Variants in AGBL1 observed in about 807,000 individuals in gnomAD.
AGBL1 encodes cytosolic carboxypeptidase 4.
AGBL1 carries 130 observed loss-of-function variants against 118.9 expected under a neutral mutation model. The ratio of observed to expected loss-of-function variants is 1.09; its 90% confidence interval spans 0.95 to 1.26. AGBL1 has a LOEUF of 1.26. AGBL1 is among the 50% of genes most tolerant of loss of function. The pLI is 0.00. For synonymous variants in AGBL1, 555 were observed against 478.9 expected, an observed-to-expected ratio of 1.16 and a Z score of -2.08; for missense variants, 1,584 against 1,298.1, an observed-to-expected ratio of 1.22 and a Z score of -3.38.
chr15:86,141,163 T>G (rs2076958145), intron 1 of AGBL1, among the ~76,000 whole-genome samples: 1 of 152,188 alleles, frequency 6.6e-6, no homozygotes, highest in Admixed American at 6.5e-5. Flanking sequence ...CCACACTGTC[T>G]CTGAATTCAG....
At chr15:86,208,364 T>A (rs1435880681) in intron 5 of AGBL1, among the ~76,000 whole-genome samples, 1 of 152,238 alleles carries the variant, frequency 6.6e-6, no homozygotes, top group African/African-American at 2.4e-5. Flanking sequence ...TGCCCCTTTT[T>A]CTATTGATTG....
Position 86,882,835 on chromosome 15 carries a change from A to G in AGBL1, c.3159-24252A>G, listed in dbSNP as rs545562134. On this transcript the variant is annotated intron_variant, in intron 22 of 22. Transcript: ENST00000614907. ...TCTTTATTAAAAAAACTAGACAGGA[A>G]CCTAATGGAAATCTTTTCTCTCTTT... Among the ~76,000 whole-genome samples the G allele has an allele frequency of 1.6e-3, 246 of 152,282 alleles. 2 individuals carry two copies. Among genetic ancestry groups the G allele is most frequent in the African/African-American group, 5.6e-3 (233 of 41,550 alleles).
intron 24 of AGBL1, among the ~76,000 whole-genome samples, chr15:87,000,890 C>A (rs1415661373): frequency 6.9e-6 from 1 of 144,786 alleles, no homozygotes; most frequent in Non-Finnish European, 1.5e-5. Flanking sequence ...TGTTTGTATC[C>A]TCTTTTATTT....
chr15:86,854,287 C>T (rs186892257), intron 22 of AGBL1, among the ~76,000 whole-genome samples: 119 of 152,280 alleles, frequency 7.8e-4, no homozygotes, highest in Non-Finnish European at 1.4e-3. Context: ...TGCTTGGGTT[C>T]TTAGGGGCTT....
chr15:86,708,140 C>T (rs991811303), intron 22 of AGBL1, among the ~76,000 whole-genome samples: 11 of 152,006 alleles, frequency 7.2e-5, no homozygotes, highest in Non-Finnish European at 1.6e-4. Flanking sequence ...TGGACTTAAT[C>T]GTGCTCTCCT....
intron 23 of AGBL1, among the ~76,000 whole-genome samples, chr15:86,925,192 A>C (rs868484221): frequency 0.054 from 5,402 of 100,896 alleles, 390 homozygotes; most frequent in African/African-American, 0.2. Flanking sequence ...AGAGGAAGAA[A>C]AGAAGAAAAG....
At position 86,813,286 on chromosome 15, in the gene AGBL1, T is replaced by G. The variant is rs370710031; in HGVS notation, c.3159-93801T>G. ...TGAGTGCAATGCTATGGAGCTCCGCTGTGCTATTCCCAGTACACAGCATGT... is the reference window on the plus strand; with the variant it reads ...TGAGTGCAATGCTATGGAGCTCCGCGGTGCTATTCCCAGTACACAGCATGT... On this transcript the variant is annotated intron_variant, in intron 22 of 22. Transcript: ENST00000614907. 2.0e-5 allele frequency among the ~76,000 whole-genome samples: 3 copies of G among 152,224 alleles called. No homozygotes were observed. The East Asian group carries it at 5.8e-4, about 30-fold the overall frequency.
intron 4 of AGBL1, among the ~76,000 whole-genome samples, chr15:86,158,653 A>G (rs926995089): frequency 1.3e-5 from 2 of 152,182 alleles, no homozygotes; most frequent in African/African-American, 4.8e-5. Context: ...TAATCACCCA[A>G]TTGGCCAAAA....
At chr15:86,237,965 T>A (rs2078580102) in intron 6 of AGBL1, among the ~76,000 whole-genome samples, 1 of 152,202 alleles carries the variant, frequency 6.6e-6, no homozygotes, top group African/African-American at 2.4e-5. Flanking sequence ...GTTTTTGCTT[T>A]ATCCACTTGC....
chr15:86,214,118 T>A (rs1185886369), intron 5 of AGBL1, among the ~76,000 whole-genome samples: 1 of 152,200 alleles, frequency 6.6e-6, no homozygotes, highest in Non-Finnish European at 1.5e-5. Context: ...TACATCTCAA[T>A]CAAACAGGAC....
At chr15:86,308,786 G>T (rs1288537914) in intron 17 of AGBL1, among the ~76,000 whole-genome samples, 3 of 152,130 alleles carry the variant, frequency 2.0e-5, no homozygotes, top group Non-Finnish European at 4.4e-5. Context: ...CTGTAAGTTC[G>T]TTTTTATGAT....
chr15:86,938,633 C>A (rs1224867777), intron 23 of AGBL1, among the ~76,000 whole-genome samples: 1 of 152,110 alleles, frequency 6.6e-6, no homozygotes, highest in Admixed American at 6.5e-5. Context: ...TAACTCAAGC[C>A]AATATCTCTC....
rs143921861 is a variant in AGBL1 at position 86,440,659 on chromosome 15, T to C, written c.2555+43113T>C. 5.3e-4 allele frequency among the ~76,000 whole-genome samples: 81 copies of C among 152,154 alleles called. 1 individual carries two copies. The highest frequency in any genetic ancestry group is 1.8e-3 in the African/African-American group (76 of 41,514). ...GTCCAGTAGTTAGCCCCAAGACACA[T>C]ATTCGTGAATGATATCATTGAAGCT... On this transcript the variant is annotated intron_variant, in intron 18 of 22. Coordinates refer to ENST00000614907, the MANE Select transcript of AGBL1 (RefSeq NM_001386094.1).
rs141989983 is a variant in AGBL1, at chr15:86,613,512, AAG to A, written c.2994+58981_2994+58982del. On this transcript the variant is annotated intron_variant, in intron 21 of 22. Transcript: ENST00000614907. This position sits in a 1 kb window ranked among gnomAD's most constrained non-coding sequence, Gnocchi z 4.2. The stretch of plus-strand genomic sequence containing the variant: ...GAAGTACTTAAAGGCTGCCATGTGA[AAG>A]AGAGATTAGGATTATTCAGTGTGTT... Among the ~76,000 whole-genome samples, 2,325 of 152,260 alleles carry A rather than the reference AAG, an allele frequency of 0.015. 62 individuals carry two copies. Among genetic ancestry groups the A allele is most frequent in the African/African-American group, 0.053 (2,218 of 41,560 alleles).
chr15:87,013,533 GTT>G (rs59336861), intron 24 of AGBL1, among the ~76,000 whole-genome samples: 82,745 of 149,938 alleles, frequency 0.55, 24,667 homozygotes, highest in South Asian at 0.71. Flanking sequence ...TTTTTGAATA[GTT>G]TTTTTTTTTT....
chr15:86,283,446 G>A (rs1257168718), intron 16 of AGBL1, among the ~76,000 whole-genome samples: 1 of 149,990 alleles, frequency 6.7e-6, no homozygotes, highest in Non-Finnish European at 1.5e-5. Flanking sequence ...TGTGAAAGAT[G>A]TGAATACTGT....
At chr15:86,337,307 T>C (rs2080387108) in intron 17 of AGBL1, among the ~76,000 whole-genome samples, 1 of 152,122 alleles carries the variant, frequency 6.6e-6, no homozygotes, top group Admixed American at 6.5e-5. Context: ...TGTCTTGTAT[T>C]ACCAGTAGGC....
chr15:87,005,617 T>G (rs879450821), intron 24 of AGBL1, among the ~76,000 whole-genome samples: 2 of 152,158 alleles, frequency 1.3e-5, no homozygotes, highest in Non-Finnish European at 2.9e-5. Context: ...GTTTTTAACT[T>G]CTTTGCCATG....
intron 18 of AGBL1, among the ~76,000 whole-genome samples, chr15:86,464,437 C>T (rs2082372728): frequency 6.6e-6 from 1 of 152,218 alleles, no homozygotes; most frequent in Non-Finnish European, 1.5e-5. Context: ...TTATTTCTTT[C>T]TCTTGCCTGA....
Sources: gnomAD v4.1 joint callset for allele counts (sites outside exome capture counted in the v4.1 genomes callset) on GRCh38, gnomAD v4.1.1 for gene constraint, Gnocchi (gnomAD v3.1) non-coding constraint, MANE v1.5 for transcripts, NCBI Gene and HGNC (gene_info 2026-07-23, HGNC 2026-07-21) for gene names.